The following SND1 variants were observed in gnomAD, a reference collection of about 807,000 sequenced individuals.
SND1 encodes the protein staphylococcal nuclease domain-containing protein 1.
Under a neutral mutation model 121.7 loss-of-function variants are expected in SND1, and 38 were observed. That is an observed-to-expected ratio of 0.31 (90% CI 0.24 to 0.41). The LOEUF (loss-of-function observed/expected upper bound fraction) is 0.41. Among genes scored for constraint, SND1 ranks in the 10% least tolerant of loss-of-function variants. The probability of loss-of-function intolerance (pLI) is 1.00; values close to 1 mark genes in which losing one functional copy is unlikely to be tolerated. For missense variants in SND1, 868 were observed against 1,184.6 expected (o/e 0.73, Z 3.92); for synonymous variants, 401 against 447.4 (o/e 0.90, Z 1.31).
At chr7:127,963,173 C>T (rs1801772741) in intron 15 of SND1, among the ~76,000 whole-genome samples, 3 of 151,800 alleles carry the variant, frequency 2.0e-5, no homozygotes, top group Admixed American at 2.0e-4. Context: ...GGGCAGGGTG[C>T]AGCAAGTTGT....
At chr7:127,839,099 C>T (rs1469823216) in intron 11 of SND1, among the ~76,000 whole-genome samples, 5 of 152,054 alleles carry the variant, frequency 3.3e-5, no homozygotes, top group Admixed American at 3.3e-4. Flanking sequence ...CTGAAGTGTC[C>T]GTGTTCTTAT....
intron 13 of SND1, among the ~76,000 whole-genome samples, chr7:127,900,794 T>C (rs907200754): frequency 6.6e-6 from 1 of 152,204 alleles, no homozygotes; most frequent in African/African-American, 2.4e-5. Flanking sequence ...CTGGTGATGA[T>C]GTTTGTCAGT....
intron 12 of SND1, among the ~76,000 whole-genome samples, chr7:127,846,046 G>C (rs1584614049): frequency 6.6e-6 from 1 of 152,146 alleles, no homozygotes; most frequent in African/African-American, 2.4e-5. Context: ...CTGCAAATGT[G>C]GGGTAGCTGT....
intron 10 of SND1, among the ~76,000 whole-genome samples, chr7:127,776,246 G>T (rs1408209506): frequency 6.6e-6 from 1 of 152,182 alleles, no homozygotes; most frequent in Non-Finnish European, 1.5e-5. Flanking sequence ...AATATCAAGA[G>T]TAGGTTTCTA....
At chr7:127,865,698 C>G (rs1799458436) in intron 12 of SND1, among the ~76,000 whole-genome samples, 1 of 152,018 alleles carries the variant, frequency 6.6e-6, no homozygotes, top group Non-Finnish European at 1.5e-5. Context: ...TTATGGCAGC[C>G]TTGACCTCCT....
chr7:127,832,850 G>A (rs1409678263), intron 11 of SND1, among the ~76,000 whole-genome samples: 1 of 152,228 alleles, frequency 6.6e-6, no homozygotes, highest in African/African-American at 2.4e-5. Flanking sequence ...CAGATCAGCA[G>A]CAGCATTAGA....
chr7:127,975,874 T>C (rs1297838124), intron 15 of SND1, among the ~76,000 whole-genome samples: 6 of 152,218 alleles, frequency 3.9e-5, no homozygotes, highest in Admixed American at 1.3e-4. Context: ...TGGCTGTTAG[T>C]AGGCAGGTCC....
chr7:127,917,227 A>G (rs977251573), intron 14 of SND1, among the ~76,000 whole-genome samples: 1 of 152,222 alleles, frequency 6.6e-6, no homozygotes, highest in African/African-American at 2.4e-5. Context: ...TGGGTGGGGT[A>G]AGATTAATTC....
chr7:127,956,985 G>T (rs144626209), intron 15 of SND1, among the ~76,000 whole-genome samples: 10 of 152,276 alleles, frequency 6.6e-5, no homozygotes, highest in Middle Eastern at 3.4e-3. Context: ...ATCAGAGTGG[G>T]CATTTAATCA....
intron 12 of SND1, among the ~76,000 whole-genome samples, chr7:127,857,531 C>T (rs10269552): frequency 0.87 from 127,473 of 146,596 alleles, 55,670 homozygotes; most frequent in African/African-American, 0.94. Flanking sequence ...CTTTTTTTTT[C>T]TTCGTAGCAC....
intron 10 of SND1, among the ~76,000 whole-genome samples, chr7:127,807,265 C>A (rs1231895706): frequency 6.6e-6 from 1 of 152,158 alleles, no homozygotes; most frequent in Non-Finnish European, 1.5e-5. Context: ...ACAAACACTT[C>A]ATTTCTTATT....
At chr7:128,065,829 T>A (rs1436248247) in intron 16 of SND1, among the ~76,000 whole-genome samples, 1 of 152,172 alleles carries the variant, frequency 6.6e-6, no homozygotes, top group Non-Finnish European at 1.5e-5. Flanking sequence ...ACTGGGAACA[T>A]GAGGAGGAGC....
intron 11 of SND1, among the ~76,000 whole-genome samples, chr7:127,830,573 A>G (rs749389033): frequency 1.3e-5 from 2 of 152,144 alleles, no homozygotes; most frequent in Non-Finnish European, 2.9e-5. Context: ...CTATTTGGAC[A>G]TCTTTCCATA....
At chr7:127,716,574 A>T (rs1184782027) in intron 9 of SND1, among the ~76,000 whole-genome samples, 1 of 151,860 alleles carries the variant, frequency 6.6e-6, no homozygotes, top group Admixed American at 6.6e-5. Flanking sequence ...TACTTCATGA[A>T]TTCATTTATT....
intron 12 of SND1, among the ~76,000 whole-genome samples, chr7:127,844,952 G>C (rs993539777): frequency 6.6e-6 from 1 of 152,176 alleles, no homozygotes; most frequent in Non-Finnish European, 1.5e-5. Flanking sequence ...ATCTGATAGG[G>C]GAAGGAGGAA....
intron 12 of SND1, among the ~76,000 whole-genome samples, chr7:127,854,948 C>T (rs927420881): frequency 2.0e-5 from 3 of 150,712 alleles, no homozygotes; most frequent in African/African-American, 7.3e-5. Context: ...GGGGAAATTG[C>T]CTGTTATTTC....
chr7:127,776,802 A>C (rs1228462576), intron 10 of SND1, among the ~76,000 whole-genome samples: 2 of 152,238 alleles, frequency 1.3e-5, no homozygotes, highest in Non-Finnish European at 2.9e-5. Context: ...GGCCAGCAAC[A>C]GGAGTGAAGG....
chr7:128,086,782 G>A, intron 20 of SND1, 156 bp from the exon 21 acceptor site: 1 of 678,748 alleles, frequency 1.5e-6, no homozygotes, highest in Non-Finnish European at 2.7e-6. Flanking sequence ...TCACCCACTG[G>A]GGAGCCTTTG....
intron 16 of SND1, among the ~76,000 whole-genome samples, chr7:128,055,953 G>A (rs1368017002): frequency 6.6e-6 from 1 of 152,164 alleles, no homozygotes; most frequent in African/African-American, 2.4e-5. Flanking sequence ...GCCAGGCTCT[G>A]GAATTAGGCA....
Sources: allele counts gnomAD v4.1 joint callset (sites outside exome capture counted in the v4.1 genomes callset), GRCh38; gene constraint gnomAD v4.1.1; transcripts MANE v1.5; gene names NCBI Gene and HGNC (gene_info 2026-07-23, HGNC 2026-07-21).